The following CORO1C variants were observed in gnomAD, a reference collection of about 807,000 sequenced individuals.
CORO1C encodes coronin-1C.
A neutral mutation model predicts 51.2 loss-of-function variants in CORO1C; 14 were observed. The ratio of observed to expected loss-of-function variants is 0.27; its 90% CI spans 0.18 to 0.43. The LOEUF (loss-of-function observed/expected upper bound fraction) is 0.43. Ranked by LOEUF, CORO1C falls within the 20% of genes least tolerant of loss-of-function variation. The probability of loss-of-function intolerance (pLI) is 1.00; values close to 1 mark genes in which losing one functional copy is unlikely to be tolerated. For synonymous variants in CORO1C, 181 were observed against 210.5 expected, an observed-to-expected ratio of 0.86 and a Z score of 1.21; for missense variants, 417 against 607.8, an observed-to-expected ratio of 0.69 and a Z score of 3.30.
intron 3 of CORO1C, among the ~76,000 whole-genome samples, chr12:108,670,396 C>T (rs762644236): frequency 1.6e-4 from 25 of 152,126 alleles, no homozygotes; most frequent in Admixed American, 3.9e-4. Context: ...ACAATCTAGA[C>T]CCCAGCACTC....
chr12:108,661,899 T>C, intron 4 of CORO1C, 130 bp downstream of exon 4: 1 of 1,003,546 alleles, frequency 1.0e-6, no homozygotes, highest in Non-Finnish European at 1.5e-6. Context: ...ACCCCAATAC[T>C]CTTCACCATG....
chr12:108,656,047 T>A (rs2032963892), intron 6 of CORO1C, among the ~76,000 whole-genome samples: 1 of 140,336 alleles, frequency 7.1e-6, no homozygotes, highest in African/African-American at 2.7e-5. Flanking sequence ...GTCTGGGAGG[T>A]TAGGAGCGTC....
intron 8 of CORO1C, chr12:108,649,389 A>T: frequency 3.5e-6 from 1 of 285,148 alleles, no homozygotes; most frequent in Non-Finnish European, 6.7e-6. Flanking sequence ...GAGAACACAC[A>T]TCTGTTAGAT....
chr12:108,679,033 C>A (rs1334491975), intron 2 of CORO1C, among the ~76,000 whole-genome samples: 1 of 148,076 alleles, frequency 6.8e-6, no homozygotes, highest in African/African-American at 2.5e-5. Context: ...ATCGCTTGAA[C>A]CCGGTAGGCA....
intron 4 of CORO1C, among the ~76,000 whole-genome samples, chr12:108,661,719 A>G (rs1246951459): frequency 2.0e-5 from 3 of 152,176 alleles, no homozygotes; most frequent in African/African-American, 7.2e-5. Context: ...ACCTTCTACC[A>G]TATCAGAAAT....
At chr12:108,669,366 G>A (rs1396884615) in intron 3 of CORO1C, among the ~76,000 whole-genome samples, 1 of 152,072 alleles carries the variant, frequency 6.6e-6, no homozygotes, top group Non-Finnish European at 1.5e-5. Context: ...TACTCTTGCT[G>A]CTAGGAATCC....
chr12:108,717,761 A>T (rs981441869), intron 1 of CORO1C, among the ~76,000 whole-genome samples: 1 of 152,234 alleles, frequency 6.6e-6, no homozygotes, highest in Non-Finnish European at 1.5e-5. Context: ...CAAGTAAGGT[A>T]TCTGAAAAGA....
In CORO1C at chr12:108,664,124, TAA is replaced by T. The variant is rs571031390; in HGVS notation, c.319-1968_319-1967del. Among the ~76,000 whole-genome samples, 258 of 152,324 alleles carry T rather than the reference TAA, an allele frequency of 1.7e-3. 4 individuals carry two copies. Among genetic ancestry groups the T allele is most frequent in the African/African-American group, 6.1e-3 (253 of 41,574 alleles). On this transcript the variant is annotated intron_variant, in intron 3 of 10. Transcript: ENST00000261401. ...ATAATATTTAAGTTTATGAAAAAGC[TAA>T]AGTTTAAAATCATTATCTTCTACAT...
rs575999823 is a variant in CORO1C, at chr12:108,656,832, A to T, written c.750+472T>A. 2.6e-5 allele frequency among the ~76,000 whole-genome samples: 4 copies of T among 152,306 alleles called. No individual in the cohort carries two copies. In the East Asian group the frequency reaches 7.7e-4, roughly 29 times the overall value. ...GGGCGGTGCAAGATGTGCTTTGTTG[A>T]ACAGATGCTTGAAGGCAGCATGCTC... is the stretch of plus-strand genomic sequence containing the variant. On this transcript the variant is annotated intron_variant, in intron 6 of 10. Transcript: ENST00000261401.
chr12:108,682,065 G>A (rs902172091), intron 2 of CORO1C, among the ~76,000 whole-genome samples: 1 of 151,566 alleles, frequency 6.6e-6, no homozygotes, highest in African/African-American at 2.4e-5. Context: ...TGGGGGTGGA[G>A]GTGTACTACA....
chr12:108,679,493 T>C (rs1179766643), intron 2 of CORO1C, among the ~76,000 whole-genome samples: 1 of 152,248 alleles, frequency 6.6e-6, no homozygotes, highest in Non-Finnish European at 1.5e-5. Context: ...TGGTTTCCTT[T>C]TTAAAATAGC....
chr12:108,688,607 T>A (rs1465239214), intron 2 of CORO1C, among the ~76,000 whole-genome samples: 1 of 152,180 alleles, frequency 6.6e-6, no homozygotes, highest in Admixed American at 6.5e-5. Context: ...CCAATTGGTG[T>A]TAAAATGGAT....
intron 2 of CORO1C, among the ~76,000 whole-genome samples, chr12:108,691,301 A>C (rs2034486494): frequency 6.6e-6 from 1 of 152,198 alleles, no homozygotes; most frequent in Non-Finnish European, 1.5e-5. Context: ...TAATGGGCGA[A>C]GATATTCAAC....
At chr12:108,692,295 G>T (rs934371718) in intron 2 of CORO1C, among the ~76,000 whole-genome samples, 30 of 152,310 alleles carry the variant, frequency 2.0e-4, no homozygotes, top group African/African-American at 6.0e-4. Flanking sequence ...ACACTGGCTG[G>T]CTCTGAACAA....
chr12:108,673,683 G>A (rs2033799794), intron 3 of CORO1C, among the ~76,000 whole-genome samples: 1 of 152,148 alleles, frequency 6.6e-6, no homozygotes, highest in Non-Finnish European at 1.5e-5. Context: ...CACGCAGCTG[G>A]TGACTTTAAG....
At chr12:108,671,068 C>T (rs1332848713) in intron 3 of CORO1C, among the ~76,000 whole-genome samples, 1 of 151,206 alleles carries the variant, frequency 6.6e-6, no homozygotes, top group Non-Finnish European at 1.5e-5. Context: ...CATGGTGGCT[C>T]ACACGTGTAA....
chr12:108,682,535 ATAAT>A (rs879755921), intron 2 of CORO1C, among the ~76,000 whole-genome samples: 27 of 152,356 alleles, frequency 1.8e-4, no homozygotes, highest in Non-Finnish European at 3.7e-4. Context: ...TAATTTCAAA[ATAAT>A]TAAGGCAAAC....
At chr12:108,714,507 G>A (rs773295626) in intron 1 of CORO1C, among the ~76,000 whole-genome samples, 2 of 151,540 alleles carry the variant, frequency 1.3e-5, no homozygotes, top group African/African-American at 2.4e-5. Context: ...TTACAGGTGC[G>A]GTGGTTCACA....
At chr12:108,717,848 T>C (rs922152724) in intron 1 of CORO1C, among the ~76,000 whole-genome samples, 2 of 152,224 alleles carry the variant, frequency 1.3e-5, no homozygotes, top group Admixed American at 6.5e-5. Context: ...ATTGGATCCA[T>C]GGCTTTAAAA....
Sources: gnomAD v4.1 joint callset for allele counts (sites outside exome capture counted in the v4.1 genomes callset) on GRCh38, gnomAD v4.1.1 for gene constraint, MANE v1.5 for transcripts, NCBI Gene and HGNC (gene_info 2026-07-23, HGNC 2026-07-21) for gene names.